ITGBL1: variants seen among roughly 807,000 people sequenced by gnomAD.
ITGBL1 encodes integrin subunit beta like 1.
In ITGBL1, 51 loss-of-function variants were observed where a neutral mutation model predicts 68.5. The observed-to-expected ratio is 0.74, with a 90% CI of 0.59 to 0.94. ITGBL1 has a LOEUF of 0.94. ITGBL1 is among the 40% of genes least tolerant of loss of function. ITGBL1 has a pLI of 0.00. For missense variants in ITGBL1, 649 were observed against 647.4 expected (o/e 1.00, Z -0.03); for synonymous variants, 209 against 227.3 (o/e 0.92, Z 0.72).
chr13:101,551,564 T>C (rs2049921135), intron 2 of ITGBL1, among the ~76,000 whole-genome samples: 1 of 152,144 alleles, frequency 6.6e-6, no homozygotes, highest in Admixed American at 6.5e-5. Context: ...GCTCCTCAGC[T>C]CCAGGGTACC....
intron 2 of ITGBL1, among the ~76,000 whole-genome samples, chr13:101,503,660 T>C (rs759797843): frequency 2.6e-5 from 4 of 152,334 alleles, no homozygotes; most frequent in South Asian, 2.1e-4. Flanking sequence ...GAGGAACCAC[T>C]GACAACAGAA....
chr13:101,662,613 C>A (rs529305057), intron 7 of ITGBL1, among the ~76,000 whole-genome samples: 1 of 152,192 alleles, frequency 6.6e-6, no homozygotes, highest in East Asian at 1.9e-4. Context: ...AAGCATATTT[C>A]CATCTCTTCC....
chr13:101,696,806 A>G (rs1417822386), intron 8 of ITGBL1, among the ~76,000 whole-genome samples: 2 of 152,174 alleles, frequency 1.3e-5, no homozygotes, highest in Non-Finnish European at 2.9e-5. Context: ...TTTTTATTTG[A>G]ATAAATGATC....
In ITGBL1 at chr13:101,583,357, G is replaced by A. The variant is rs2050496304; in HGVS notation, c.868+1G>A. Reference sequence around the variant, plus strand: ...CGATATTCTGATGACTTCTGTTCAGGTAAGGGCTCTTCCAATTCCTGTTTT... The same window carrying A: ...CGATATTCTGATGACTTCTGTTCAGATAAGGGCTCTTCCAATTCCTGTTTT... On this transcript the variant is annotated splice_donor_variant, in intron 6 of 10. Transcript: ENST00000376180. LOFTEE classifies it high-confidence loss of function. 1 of 1,517,538 alleles carries A rather than the reference G, an allele frequency of 6.6e-7. No homozygotes were observed. The highest frequency in any genetic ancestry group is 1.4e-5 in the African/African-American group (1 of 70,330). The allele number at this position is 1,517,538 out of a possible 1,614,324, so 94.0% of individuals were successfully genotyped here.
At chr13:101,610,204 C>T (rs2031057180) in intron 7 of ITGBL1, among the ~76,000 whole-genome samples, 1 of 152,090 alleles carries the variant, frequency 6.6e-6, no homozygotes, top group African/African-American at 2.4e-5. Context: ...TACCTGATTT[C>T]ATTCAATATA....
At chr13:101,591,046 G>C (rs556930198) in intron 6 of ITGBL1, among the ~76,000 whole-genome samples, 1 of 152,222 alleles carries the variant, frequency 6.6e-6, no homozygotes, top group East Asian at 1.9e-4. Context: ...GAAACTACAG[G>C]CATTTGCCAC....
intron 9 of ITGBL1, chr13:101,714,205 C>CA (rs977158949): frequency 2.0e-6 from 1 of 489,348 alleles, no homozygotes; most frequent in Non-Finnish European, 3.6e-6. Flanking sequence ...GGCCATGGGA[C>CA]ATTTGTTCAA....
intron 7 of ITGBL1, among the ~76,000 whole-genome samples, chr13:101,632,545 G>A (rs1241615565): frequency 6.6e-6 from 1 of 152,124 alleles, no homozygotes; most frequent in Non-Finnish European, 1.5e-5. Context: ...CAAGAGAAAT[G>A]TCTGCAAACA....
chr13:101,604,980 G>A lies in ITGBL1; in HGVS notation c.1015+6681G>A, dbSNP rs138107833. ...TGTATATGTATATATACATATATGC[G>A]TACATGTGTATATGTATATATACAT... On this transcript the variant is annotated intron_variant, in intron 7 of 10. Transcript: ENST00000376180. 1.1e-3 allele frequency among the ~76,000 whole-genome samples: 125 copies of A among 116,026 alleles called. 3 individuals are homozygous for A. The highest frequency in any genetic ancestry group is 3.2e-3 in the African/African-American group (106 of 32,678). 76.1% of individuals were successfully genotyped at this position (116,026 alleles called of 152,430 possible).
chr13:101,636,601 G>T (rs568122524), intron 7 of ITGBL1, among the ~76,000 whole-genome samples: 1 of 152,000 alleles, frequency 6.6e-6, no homozygotes, highest in African/African-American at 2.4e-5. Flanking sequence ...ATTGACTTTC[G>T]TTGGAGACAC....
intron 2 of ITGBL1, among the ~76,000 whole-genome samples, chr13:101,543,772 T>C (rs2049760108): frequency 6.6e-6 from 1 of 152,222 alleles, no homozygotes; most frequent in Non-Finnish European, 1.5e-5. Flanking sequence ...AATTCTTTTT[T>C]CTCTAAACTG....
At chr13:101,620,223 G>T (rs1414495671) in intron 7 of ITGBL1, among the ~76,000 whole-genome samples, 3 of 152,040 alleles carry the variant, frequency 2.0e-5, no homozygotes, top group African/African-American at 7.2e-5. Context: ...TTCACATTTT[G>T]CAGGGTTTAC....
intron 2 of ITGBL1, among the ~76,000 whole-genome samples, chr13:101,561,429 G>C (rs912434563): frequency 6.6e-6 from 1 of 152,042 alleles, no homozygotes; most frequent in African/African-American, 2.4e-5. Flanking sequence ...TTGCTCTTAG[G>C]GCACTTGTAA....
intron 9 of ITGBL1, among the ~76,000 whole-genome samples, chr13:101,709,367 G>T (rs1595000932): frequency 2.4e-5 from 1 of 42,138 alleles, no homozygotes; most frequent in South Asian, 1.4e-3. Context: ...GCGAGACTCC[G>T]TCTCAAAAAA....
rs138007292 is a variant in ITGBL1, at chr13:101,694,115, G to A, written c.1132+1414G>A. On this transcript the variant is annotated intron_variant, in intron 8 of 10. Coordinates refer to ENST00000376180, the MANE Select transcript of ITGBL1 (RefSeq NM_004791.3). ...CCCAGAATTTCAGCTCTGATATTTAGTTCACAGATCGTTCCTTATGTCAGT... is the reference window on the plus strand; with the variant it reads ...CCCAGAATTTCAGCTCTGATATTTAATTCACAGATCGTTCCTTATGTCAGT... Among the ~76,000 whole-genome samples the A allele has an allele frequency of 2.9e-3, 447 of 152,242 alleles. 3 individuals are homozygous for A. Among genetic ancestry groups the A allele is most frequent in the South Asian group, 0.013 (63 of 4,810 alleles).
intron 7 of ITGBL1, among the ~76,000 whole-genome samples, chr13:101,625,220 T>A (rs1243819269): frequency 6.6e-6 from 1 of 152,222 alleles, no homozygotes; most frequent in Non-Finnish European, 1.5e-5. Flanking sequence ...ACAGCAGCCC[T>A]GCTGTGTACA....
chr13:101,524,794 T>C (rs180824731), intron 2 of ITGBL1, among the ~76,000 whole-genome samples: 31 of 152,226 alleles, frequency 2.0e-4, no homozygotes, highest in African/African-American at 7.0e-4. Context: ...CCAACTGACG[T>C]ATAGCTGTCA....
intron 2 of ITGBL1, among the ~76,000 whole-genome samples, chr13:101,525,267 C>T (rs1363799242): frequency 6.6e-6 from 1 of 151,982 alleles, no homozygotes; most frequent in Non-Finnish European, 1.5e-5. Context: ...GATTAATGGA[C>T]TTTTCTTGTT....
chr13:101,704,822 G>T (rs1455189203), intron 8 of ITGBL1, among the ~76,000 whole-genome samples: 2 of 152,124 alleles, frequency 1.3e-5, no homozygotes, highest in East Asian at 3.9e-4. Flanking sequence ...AAACTTTAAT[G>T]GTTTCAGTTT....
Sources: gnomAD v4.1 joint callset for allele counts (sites outside exome capture counted in the v4.1 genomes callset) on GRCh38, gnomAD v4.1.1 for gene constraint, MANE v1.5 for transcripts, NCBI Gene and HGNC (gene_info 2026-07-23, HGNC 2026-07-21) for gene names.